The following LRCH2 variants were observed in gnomAD, a reference collection of about 807,000 sequenced individuals.
LRCH2 encodes leucine rich repeats and calponin homology domain containing 2.
Under a neutral mutation model 68.9 loss-of-function variants are expected in LRCH2, and 38 were observed. That is an observed-to-expected ratio of 0.55 (90% CI 0.43 to 0.72). The LOEUF is 0.72. Among genes scored for constraint, LRCH2 ranks in the 30% least tolerant of loss-of-function variants. The pLI, the probability that LRCH2 is intolerant of heterozygous loss-of-function variation, is 0.00. For synonymous variants in LRCH2, 191 were observed against 208.1 expected (o/e 0.92, Z 0.71); for missense variants, 528 against 572.9 (o/e 0.92, Z 0.80).
At chrX:115,205,568 G>A (rs1401649113) in intron 1 of LRCH2, among the ~76,000 whole-genome samples, 1 of 112,065 alleles carries the variant, frequency 8.9e-6, no homozygotes, top group African/African-American at 3.2e-5. Flanking sequence ...CTATGAGCTG[G>A]AGAAAAGGAG....
chrX:115,175,107 G>A (rs922136953), intron 5 of LRCH2, among the ~76,000 whole-genome samples: 2 of 111,939 alleles, frequency 1.8e-5, no homozygotes, highest in Non-Finnish European at 3.8e-5. Context: ...TGCTAAACAC[G>A]TGGAGGTGCC....
chrX:115,191,736 C>T (rs1556559987), intron 1 of LRCH2: 2 of 1,165,139 alleles, frequency 1.7e-6, no homozygotes, highest in Admixed American at 5.2e-5. Flanking sequence ...GGGGCCATGA[C>T]AGTTCCAGCC....
intron 1 of LRCH2, among the ~76,000 whole-genome samples, chrX:115,215,899 GT>G: frequency 9.0e-6 from 1 of 111,239 alleles, no homozygotes; most frequent in Non-Finnish European, 1.9e-5. Flanking sequence ...ACAAAATGAG[GT>G]AACTTCTCTG....
At chrX:115,190,144 T>C (rs1556556843) in intron 1 of LRCH2, 1 of 1,162,459 alleles carries the variant, frequency 8.6e-7, no homozygotes, top group Non-Finnish European at 1.1e-6. Flanking sequence ...AGATGGCTAC[T>C]CAGGCCCGCG....
rs782767455 is a variant in LRCH2, at chrX:115,123,114, C to T, written c.1928G>A (p.Arg643Gln). Reference protein sequence around the residue: ...FTMRRKMEHLREEREQIRQLR... With the variant: ...FTMRRKMEHLQEEREQIRQLR... ...TTGTCGTATTTGCTCTCGCTCTTCCCGTAAATGTTCCATCTTTCTTCTCAT... is the reference window on the plus strand; with the variant it reads ...TTGTCGTATTTGCTCTCGCTCTTCCTGTAAATGTTCCATCTTTCTTCTCAT... The change falls in exon 18 of 21, where the codon CGG (arginine) becomes CAG (glutamine). Residue 643 changes from arginine to glutamine, a missense_variant. Arg to Gln is a conservative substitution (Grantham distance 43). Transcript: ENST00000317135. 21 of 1,207,968 alleles carry T rather than the reference C, an allele frequency of 1.7e-5. No homozygotes were observed. The highest frequency in any genetic ancestry group is 1.9e-5 in the Non-Finnish European group (17 of 894,408).
chrX:115,144,325 G>A, intron 14 of LRCH2, among the ~76,000 whole-genome samples: 1 of 111,054 alleles, frequency 9.0e-6, no homozygotes, highest in Middle Eastern at 4.7e-3. Context: ...AAAAACTGGG[G>A]TATAGAAGAA....
chrX:115,160,763 C>T (rs1556541307), intron 11 of LRCH2, among the ~76,000 whole-genome samples: 1 of 111,331 alleles, frequency 9.0e-6, no homozygotes, highest in African/African-American at 3.3e-5. Context: ...AAATCCACAA[C>T]CAGAGAAGGT....
chrX:115,226,683 G>C (rs1556576351), intron 1 of LRCH2, among the ~76,000 whole-genome samples: 2 of 111,525 alleles, frequency 1.8e-5, no homozygotes, highest in African/African-American at 6.5e-5. Context: ...AGATATAGAG[G>C]CTGAGGGAAA....
chrX:115,144,306 T>C (rs185909795), intron 14 of LRCH2, among the ~76,000 whole-genome samples: 38 of 111,185 alleles, frequency 3.4e-4, no homozygotes, highest in Admixed American at 1.4e-3. Context: ...AATAGACTAA[T>C]ACACTCTCAA....
chrX:115,204,325 A>G (rs139708343), intron 1 of LRCH2, among the ~76,000 whole-genome samples: 284 of 113,352 alleles, frequency 2.5e-3, no homozygotes, highest in African/African-American at 8.3e-3. Flanking sequence ...AAATGCCCTG[A>G]AGACATTTTC....
At chrX:115,167,191 T>TG (rs2072566840) in intron 6 of LRCH2, among the ~76,000 whole-genome samples, 1 of 8,396 alleles carries the variant, frequency 1.2e-4, no homozygotes, top group South Asian at 0.028. Flanking sequence ...AGTTTCATGC[T>TG]AAAAAAAAAA....
chrX:115,123,079 C>T lies in LRCH2; in HGVS notation c.1962+1G>A. The T allele has an allele frequency of 8.3e-7, 1 of 1,203,926 alleles. No individual in the cohort carries two copies. The highest frequency in any genetic ancestry group is 1.1e-6 in the Non-Finnish European group (1 of 890,252). On this transcript the variant is annotated splice_donor_variant, in intron 18 of 20. Transcript: ENST00000317135. LOFTEE classifies it high-confidence loss of function. ...AGATCTGAAAGAGCAATCTGACTTA[C>T]GTTGCGAAGTTGTCGTATTTGCTCT...
intron 11 of LRCH2, among the ~76,000 whole-genome samples, chrX:115,156,870 G>A (rs2072479131): frequency 1.8e-5 from 2 of 110,937 alleles, no homozygotes; most frequent in South Asian, 3.8e-4. Flanking sequence ...ATGCATCTTC[G>A]TTTATAAACC....
intron 20 of LRCH2, among the ~76,000 whole-genome samples, chrX:115,119,772 C>G (rs1233408033): frequency 2.1e-5 from 2 of 95,589 alleles, no homozygotes; most frequent in East Asian, 6.9e-4. Context: ...TCAAACTATA[C>G]TACAAGGCTA....
chrX:115,112,605 A>C lies in LRCH2; in HGVS notation c.*611T>G, dbSNP rs782424894. The C allele has an allele frequency of 4.5e-5, 5 of 111,973 alleles. No individual in the cohort carries two copies. Among genetic ancestry groups the C allele is most frequent in the Admixed American group, 2.9e-4 (3 of 10,430 alleles). The allele number at this position is 111,973 out of a possible 1,213,427, so 9.2% of individuals were successfully genotyped here. ...TTAAAAAATTGCAAAAATGCTTAAG[A>C]CTATGTAAGAGTCATCAATTACACA... On this transcript the variant is annotated 3_prime_UTR_variant, in exon 21 of 21. Transcript: ENST00000317135.
At chrX:115,223,462 C>G (rs868984822) in intron 1 of LRCH2, among the ~76,000 whole-genome samples, 1 of 91,086 alleles carries the variant, frequency 1.1e-5, no homozygotes, top group African/African-American at 3.9e-5. Context: ...TTTAAAAAAA[C>G]CTCTTACAAC....
chrX:115,193,898 C>G (rs897412065), intron 1 of LRCH2, among the ~76,000 whole-genome samples: 4 of 111,498 alleles, frequency 3.6e-5, no homozygotes, highest in Admixed American at 2.9e-4. Context: ...ATTTACTTTG[C>G]TCACACTAGC....
intron 20 of LRCH2, among the ~76,000 whole-genome samples, chrX:115,114,293 T>C (rs923921209): frequency 9.0e-6 from 1 of 111,404 alleles, no homozygotes; most frequent in Non-Finnish European, 1.9e-5. Flanking sequence ...GTTCTCAAAA[T>C]TATTGCCTCA....
chrX:115,138,012 G>A (rs2072304521), intron 14 of LRCH2, among the ~76,000 whole-genome samples: 1 of 111,229 alleles, frequency 9.0e-6, no homozygotes. Context: ...ACAGCTAAAA[G>A]GGCAGTCAGG....
Sources: gnomAD v4.1 joint callset for allele counts (sites outside exome capture counted in the v4.1 genomes callset) on GRCh38, gnomAD v4.1.1 for gene constraint, MANE v1.5 for transcripts, NCBI Gene and HGNC (gene_info 2026-07-23, HGNC 2026-07-21) for gene names.